Variants in ADAMTS9 observed in about 807,000 individuals in gnomAD.
ADAMTS9 encodes A disintegrin and metalloproteinase with thrombospondin motifs 9.
A neutral mutation model predicts 257.1 loss-of-function variants in ADAMTS9; 107 were observed. The observed-to-expected ratio is 0.42, with a 90% confidence interval of 0.36 to 0.49. The LOEUF is 0.49. Among genes scored for constraint, ADAMTS9 ranks in the 20% least tolerant of loss-of-function variants. The probability of loss-of-function intolerance (pLI) is 0.03; values close to 1 mark genes in which losing one functional copy is unlikely to be tolerated. For synonymous variants in ADAMTS9, 982 were observed against 880.9 expected, an observed-to-expected ratio of 1.11 and a Z score of -2.03; for missense variants, 2,353 against 2,469.1, an observed-to-expected ratio of 0.95 and a Z score of 1.00.
At chr3:64,659,736 G>A (rs996058051) in intron 3 of ADAMTS9, among the ~76,000 whole-genome samples, 1 of 152,150 alleles carries the variant, frequency 6.6e-6, no homozygotes, top group Non-Finnish European at 1.5e-5. Context: ...CCGAGAGTCT[G>A]GGCAGGCAGC....
At chr3:64,522,007 G>C (rs966674972) in intron 39 of ADAMTS9, among the ~76,000 whole-genome samples, 159 bp downstream of exon 39, 10 of 152,202 alleles carry the variant, frequency 6.6e-5, no homozygotes, top group African/African-American at 2.4e-4. Context: ...CTTCAGTCAC[G>C]TGAGGACAGA....
intron 12 of ADAMTS9, among the ~76,000 whole-genome samples, chr3:64,640,065 A>T (rs1263137668): frequency 1.3e-5 from 2 of 152,208 alleles, no homozygotes; most frequent in South Asian, 2.1e-4. Flanking sequence ...ACTAATATTT[A>T]AAAAACTAAT....
intron 8 of ADAMTS9, among the ~76,000 whole-genome samples, chr3:64,653,994 G>A (rs994566379): frequency 6.6e-6 from 1 of 152,186 alleles, no homozygotes; most frequent in East Asian, 1.9e-4. Flanking sequence ...AGACAAAGGT[G>A]TTAAATCAGG....
rs1450091661 is a variant in ADAMTS9 at position 64,622,258 on chromosome 3, G to A, written c.2626C>T (p.Pro876Ser). Residue 876 changes from proline to serine, a missense_variant, in exon 18 of 40, where the codon CCT (proline) becomes TCT (serine). Physicochemically the swap from Pro to Ser is moderately conservative, Grantham distance 74. Transcript: ENST00000498707. ...TGACTGTTCCAGTAAAACTGCTGAG[G>A]TTTATCTTCAATTGGAATATTGAAA... is the stretch of plus-strand genomic sequence containing the variant. ...YSFNIPIEDK[P>S]QQFYWNSHGP... 6.2e-7 allele frequency: 1 copy of A among 1,613,918 alleles called. No individual in the cohort carries two copies. Among genetic ancestry groups the A allele is most frequent in the Non-Finnish European group, 8.5e-7 (1 of 1,179,946 alleles).
At chr3:64,572,126 T>C (rs1441480393) in intron 28 of ADAMTS9, among the ~76,000 whole-genome samples, 1 of 152,182 alleles carries the variant, frequency 6.6e-6, no homozygotes, top group Non-Finnish European at 1.5e-5. Context: ...TGTAACAGAA[T>C]GATCTTCCTC....
chr3:64,626,001 C>T (rs1356236214), intron 16 of ADAMTS9, among the ~76,000 whole-genome samples: 2 of 152,124 alleles, frequency 1.3e-5, no homozygotes, highest in East Asian at 3.8e-4. Flanking sequence ...GAAGTCTGAC[C>T]CATAAGGATA....
At chr3:64,553,564 GA>G in intron 30 of ADAMTS9, among the ~76,000 whole-genome samples, 1 of 152,086 alleles carries the variant, frequency 6.6e-6, no homozygotes, top group East Asian at 1.9e-4. Context: ...ATATACCTGG[GA>G]GTGGAATTGC....
At chr3:64,645,460 G>C (rs944507730) in intron 11 of ADAMTS9, among the ~76,000 whole-genome samples, 5 of 152,082 alleles carry the variant, frequency 3.3e-5, no homozygotes, top group Non-Finnish European at 7.4e-5. Context: ...GAGCAGAACA[G>C]AAAGAAGAAA....
At chr3:64,627,855 G>C (rs1046502184) in intron 16 of ADAMTS9, among the ~76,000 whole-genome samples, 1 of 152,130 alleles carries the variant, frequency 6.6e-6, no homozygotes, top group African/African-American at 2.4e-5. Flanking sequence ...CTTAGCAATG[G>C]AACAGCTGTG....
intron 27 of ADAMTS9, 147 bp from the exon 28 acceptor site, chr3:64,594,581 G>A: frequency 6.5e-6 from 6 of 921,044 alleles, no homozygotes; most frequent in Non-Finnish European, 8.3e-6. Flanking sequence ...ATTACCAATA[G>A]TGATACGTAA....
At chr3:64,541,496 T>C in intron 34 of ADAMTS9, 30 bp downstream of exon 34, 1 of 1,609,682 alleles carries the variant, frequency 6.2e-7, no homozygotes, top group Non-Finnish European at 8.5e-7. Flanking sequence ...AAAAACATTC[T>C]TGAAATAATG....
intron 29 of ADAMTS9, among the ~76,000 whole-genome samples, chr3:64,564,202 G>T (rs142365613): frequency 6.6e-6 from 1 of 152,116 alleles, no homozygotes; most frequent in African/African-American, 2.4e-5. Context: ...CAAAGTAGAC[G>T]TTTTTCACTC....
At chr3:64,649,462 C>A (rs371032506) in intron 10 of ADAMTS9, among the ~76,000 whole-genome samples, 175 bp downstream of exon 10, 1 of 152,186 alleles carries the variant, frequency 6.6e-6, no homozygotes, top group Non-Finnish European at 1.5e-5. Flanking sequence ...CTATTTAACA[C>A]TGAGCAGCAG....
chr3:64,575,343 G>A (rs2083812521), intron 28 of ADAMTS9, among the ~76,000 whole-genome samples: 1 of 152,186 alleles, frequency 6.6e-6, no homozygotes, highest in Non-Finnish European at 1.5e-5. Flanking sequence ...AGCAGGGAAG[G>A]AGAAAATGCA....
chr3:64,558,902 G>A (rs1051298150), intron 30 of ADAMTS9, among the ~76,000 whole-genome samples: 7 of 152,264 alleles, frequency 4.6e-5, no homozygotes, highest in African/African-American at 1.2e-4. Flanking sequence ...AGGTCAAGAC[G>A]TCACTAGGTG....
At chr3:64,665,818 C>G (rs1701342135) in intron 3 of ADAMTS9, among the ~76,000 whole-genome samples, 1 of 152,210 alleles carries the variant, frequency 6.6e-6, no homozygotes, top group Non-Finnish European at 1.5e-5. Context: ...TTCTGAGTCA[C>G]TTCTCTGGGC....
At chr3:64,542,145 T>C (rs1266770589) in intron 32 of ADAMTS9, among the ~76,000 whole-genome samples, 175 bp from the exon 33 acceptor site, 1 of 152,158 alleles carries the variant, frequency 6.6e-6, no homozygotes, top group African/African-American at 2.4e-5. Flanking sequence ...CCAGTCCCTG[T>C]GGTAAGCTTT....
chr3:64,597,318 A>T (rs2084385203), intron 26 of ADAMTS9, among the ~76,000 whole-genome samples: 1 of 152,194 alleles, frequency 6.6e-6, no homozygotes, highest in South Asian at 2.1e-4. Flanking sequence ...AGAGGTACAG[A>T]GGTGTTGATG....
chr3:64,531,804 C>A (rs2082985018), intron 38 of ADAMTS9, among the ~76,000 whole-genome samples: 1 of 152,204 alleles, frequency 6.6e-6, no homozygotes, highest in African/African-American at 2.4e-5. Context: ...CAGCTCTCTT[C>A]TTTGTCTTCC....
Sources: gnomAD v4.1 joint callset for allele counts (sites outside exome capture counted in the v4.1 genomes callset) on GRCh38, gnomAD v4.1.1 for gene constraint, MANE v1.5 for transcripts, NCBI Gene and HGNC (gene_info 2026-07-23, HGNC 2026-07-21) for gene names.